MSRA: variants seen among roughly 807,000 people sequenced by gnomAD.
The protein encoded by MSRA is methionine sulfoxide reductase A.
In MSRA, 54 loss-of-function variants were observed where a neutral mutation model predicts 31.3. That is an observed-to-expected ratio of 1.73 (90% CI 1.39 to 2.17). The LOEUF (loss-of-function observed/expected upper bound fraction) is 2.17. MSRA is among the 30% of genes most tolerant of loss of function. The pLI, the probability that MSRA is intolerant of heterozygous loss-of-function variation, is 0.00. For missense variants in MSRA, 507 were observed against 300.9 expected, an observed-to-expected ratio of 1.69 and a Z score of -5.07; for synonymous variants, 169 against 116.5, an observed-to-expected ratio of 1.45 and a Z score of -2.90.
chr8:10,278,892 G>A (rs1321346140), intron 3 of MSRA, among the ~76,000 whole-genome samples: 6 of 152,184 alleles, frequency 3.9e-5, no homozygotes, highest in Non-Finnish European at 8.8e-5. Flanking sequence ...GATTTTTGGA[G>A]CTGTAAGTCT....
chr8:10,266,979 C>A (rs1585316198), intron 3 of MSRA, among the ~76,000 whole-genome samples: 3 of 152,274 alleles, frequency 2.0e-5, no homozygotes, highest in Admixed American at 2.0e-4. Flanking sequence ...TCATTAAGGG[C>A]AATCAGTGTT....
chr8:10,125,645 C>T (rs1801447178), intron 1 of MSRA, among the ~76,000 whole-genome samples: 4 of 152,194 alleles, frequency 2.6e-5, no homozygotes, highest in African/African-American at 2.4e-5. Context: ...GCGCTGATGA[C>T]AGAGATGTTC....
chr8:10,093,436 A>G (rs999299977), intron 1 of MSRA, among the ~76,000 whole-genome samples: 4 of 152,164 alleles, frequency 2.6e-5, no homozygotes, highest in African/African-American at 9.7e-5. Flanking sequence ...AATAATATAC[A>G]AAAACTTTGC....
intron 1 of MSRA, among the ~76,000 whole-genome samples, chr8:10,173,962 T>C (rs1484284970): frequency 6.6e-6 from 1 of 152,080 alleles, no homozygotes; most frequent in Non-Finnish European, 1.5e-5. Context: ...AGCATCCACA[T>C]TGAGGTGGGT....
At chr8:10,137,640 C>A (rs1802381712) in intron 1 of MSRA, among the ~76,000 whole-genome samples, 1 of 152,198 alleles carries the variant, frequency 6.6e-6, no homozygotes, top group African/African-American at 2.4e-5. Context: ...TCAAACTTGT[C>A]TAAAGTGGGA....
At chr8:10,174,379 C>T (rs566962443) in intron 1 of MSRA, among the ~76,000 whole-genome samples, 1 of 152,154 alleles carries the variant, frequency 6.6e-6, no homozygotes, top group South Asian at 2.1e-4. Flanking sequence ...GATGGAGGAG[C>T]CCAGGAGGCT....
At chr8:10,406,885 C>T (rs1807851406) in intron 5 of MSRA, among the ~76,000 whole-genome samples, 1 of 152,206 alleles carries the variant, frequency 6.6e-6, no homozygotes, top group South Asian at 2.1e-4. Context: ...ACAGGCCTCA[C>T]TCTCTCAACC....
At chr8:10,179,683 C>G (rs1389236355) in intron 1 of MSRA, among the ~76,000 whole-genome samples, 1 of 152,160 alleles carries the variant, frequency 6.6e-6, no homozygotes, top group Non-Finnish European at 1.5e-5. Context: ...TTAAACAGAC[C>G]TGGGTTTATG....
chr8:10,268,076 T>C (rs1798838633), intron 3 of MSRA, among the ~76,000 whole-genome samples: 2 of 152,206 alleles, frequency 1.3e-5, no homozygotes, highest in Admixed American at 6.5e-5. Flanking sequence ...AATTTTTATT[T>C]ATAACTCTAG....
chr8:10,426,975 G>GGGCCTCAAGATCGTCGATC (rs150708321), intron 5 of MSRA, among the ~76,000 whole-genome samples: 1 of 152,172 alleles, frequency 6.6e-6, no homozygotes, highest in African/African-American at 2.4e-5. Flanking sequence ...CGGACCTGCT[G>GGGCCTCAAGATCGTCGATC]GGCCTTCTGC....
chr8:10,317,223 C>A (rs1388098684), intron 4 of MSRA, among the ~76,000 whole-genome samples: 3 of 152,190 alleles, frequency 2.0e-5, no homozygotes, highest in African/African-American at 7.2e-5. Context: ...CCGGTAACTC[C>A]TGGGACCTCG....
At chr8:10,370,596 C>T (rs936326016) in intron 5 of MSRA, among the ~76,000 whole-genome samples, 10 of 152,196 alleles carry the variant, frequency 6.6e-5, no homozygotes, top group Non-Finnish European at 1.5e-4. Context: ...GGAGCAAAGT[C>T]CTGGTCACCG....
chr8:10,230,905 C>T (rs1811415574), intron 2 of MSRA, among the ~76,000 whole-genome samples: 1 of 152,194 alleles, frequency 6.6e-6, no homozygotes, highest in Non-Finnish European at 1.5e-5. Context: ...CTGCCTCAGC[C>T]TCCCAAGTAG....
chr8:10,293,215 G>A (rs1279128128), intron 3 of MSRA, among the ~76,000 whole-genome samples: 4 of 152,164 alleles, frequency 2.6e-5, no homozygotes, highest in African/African-American at 9.7e-5. Flanking sequence ...GTCCCTATAG[G>A]ATTGCATCAG....
chr8:10,340,141 C>T (rs1019213458), intron 5 of MSRA, among the ~76,000 whole-genome samples: 6 of 152,134 alleles, frequency 3.9e-5, no homozygotes, highest in Non-Finnish European at 7.4e-5. Context: ...CTTGAGACCA[C>T]GGAGCCACAG....
At chr8:10,298,244 G>A (rs1360121857) in intron 3 of MSRA, among the ~76,000 whole-genome samples, 3 of 152,214 alleles carry the variant, frequency 2.0e-5, no homozygotes, top group Non-Finnish European at 4.4e-5. Context: ...GTTGATGGAT[G>A]AATGGATAAA....
At chr8:10,280,776 C>G (rs1021899538) in intron 3 of MSRA, among the ~76,000 whole-genome samples, 41 of 152,294 alleles carry the variant, frequency 2.7e-4, no homozygotes, top group African/African-American at 9.4e-4. Context: ...GGAAACAACC[C>G]AAACGCGCAT....
chr8:10,069,903 G>T (rs1472021348), intron 1 of MSRA, among the ~76,000 whole-genome samples: 1 of 152,156 alleles, frequency 6.6e-6, no homozygotes, highest in East Asian at 1.9e-4. Context: ...TATGCACATA[G>T]TTTATTAAAA....
chr8:10,096,385 G>T (rs539903842), intron 1 of MSRA: 13 of 785,956 alleles, frequency 1.7e-5, no homozygotes, highest in Admixed American at 5.9e-5. Context: ...GGGTGGGGAG[G>T]TGTCTATGTC....
Sources: gnomAD v4.1 joint callset for allele counts (sites outside exome capture counted in the v4.1 genomes callset) on GRCh38, gnomAD v4.1.1 for gene constraint, MANE v1.5 for transcripts, NCBI Gene and HGNC (gene_info 2026-07-23, HGNC 2026-07-21) for gene names.